UBE2H: variants seen among roughly 807,000 people sequenced by gnomAD.
UBE2H encodes the protein ubiquitin conjugating enzyme E2 H.
UBE2H carries 3 observed loss-of-function variants against 29.0 expected under a neutral mutation model. The observed-to-expected ratio is 0.10, with a 90% CI of 0.05 to 0.27. The LOEUF is 0.27. Ranked by LOEUF, UBE2H falls within the 10% of genes least tolerant of loss-of-function variation. The pLI is 1.00. For synonymous variants in UBE2H, 69 were observed against 82.9 expected, an observed-to-expected ratio of 0.83 and a Z score of 0.91; for missense variants, 68 against 228.2, an observed-to-expected ratio of 0.30 and a Z score of 4.52.
intron 1 of UBE2H, among the ~76,000 whole-genome samples, chr7:129,900,852 A>G (rs1584774964): frequency 6.7e-6 from 1 of 149,426 alleles, no homozygotes; most frequent in Non-Finnish European, 1.5e-5. Flanking sequence ...CCAGGTTCAC[A>G]CCATTCTCCT....
At chr7:129,877,994 G>A (rs1262600612) in intron 3 of UBE2H, among the ~76,000 whole-genome samples, 3 of 152,152 alleles carry the variant, frequency 2.0e-5, no homozygotes, top group African/African-American at 7.2e-5. Context: ...TTTATGAAAT[G>A]TATCTGAATG....
chr7:129,895,940 T>C (rs944518019), intron 1 of UBE2H, among the ~76,000 whole-genome samples: 5 of 152,188 alleles, frequency 3.3e-5, no homozygotes, highest in African/African-American at 1.2e-4. Context: ...GCTATACCAC[T>C]CAAAGTGCTC....
intron 6 of UBE2H, 47 bp downstream of exon 6, chr7:129,839,160 C>T (rs367877008): frequency 5.0e-6 from 8 of 1,591,016 alleles, no homozygotes; most frequent in Non-Finnish European, 6.8e-6. Flanking sequence ...TGAAGCCCAA[C>T]AGATTTAAGT....
intron 1 of UBE2H, among the ~76,000 whole-genome samples, chr7:129,904,046 C>G (rs1806768519): frequency 6.6e-6 from 1 of 152,196 alleles, no homozygotes; most frequent in Admixed American, 6.6e-5. Context: ...ATGTGAATCA[C>G]TCACTGTATC....
intron 1 of UBE2H, among the ~76,000 whole-genome samples, chr7:129,928,976 C>T (rs1807329934): frequency 6.6e-6 from 1 of 152,196 alleles, no homozygotes; most frequent in African/African-American, 2.4e-5. Context: ...AATATTCCAA[C>T]AATGAGTGCA....
In UBE2H at chr7:129,847,310, G is replaced by A. The variant is rs574194212; in HGVS notation, c.299-7975C>T. On this transcript the variant is annotated intron_variant, in intron 5 of 6. Transcript: ENST00000355621. ...CCACCTCAGACTCCCAAAGTGCTGG[G>A]ATTACAGGCATGAGCCACCGCGCCT... 1.7e-4 allele frequency among the ~76,000 whole-genome samples: 26 copies of A among 152,290 alleles called. No individual in the cohort carries two copies. In the South Asian group the frequency reaches 5.4e-3, roughly 32 times the overall value.
intron 1 of UBE2H, among the ~76,000 whole-genome samples, chr7:129,912,452 G>A (rs1806955835): frequency 6.6e-6 from 1 of 152,032 alleles, no homozygotes; most frequent in Non-Finnish European, 1.5e-5. Context: ...CCTGGGCTTG[G>A]CGATCCTCCC....
At chr7:129,867,728 A>AAAAAAAAAAAAAAAAAAAAAC (rs1805941096) in intron 3 of UBE2H, among the ~76,000 whole-genome samples, 1 of 129,138 alleles carries the variant, frequency 7.7e-6, no homozygotes. Context: ...GAAAACCAAA[A>AAAAAAAAAAAAAAAAAAAAAC]AAAAAAAAAA....
chr7:129,914,923 A>T (rs1038623911), intron 1 of UBE2H, among the ~76,000 whole-genome samples: 1 of 152,208 alleles, frequency 6.6e-6, no homozygotes, highest in Non-Finnish European at 1.5e-5. Context: ...TGAGGAAGAT[A>T]TTTAAAGTGC....
chr7:129,831,128 C>T lies in UBE2H; in HGVS notation c.*3809G>A, dbSNP rs572356737. 6.6e-6 allele frequency: 1 copy of T among 152,222 alleles called. No individual in the cohort carries two copies. Among genetic ancestry groups the T allele is most frequent in the South Asian group, 2.1e-4 (1 of 4,822 alleles). The allele number at this position is 152,222 out of a possible 1,614,324, so 9.4% of individuals were successfully genotyped here. ...CCCCTTCTCAAAGGGCTTCCTCCCA[C>T]TCATCCCATCCCTAACAGAATCGCC... On this transcript the variant is annotated 3_prime_UTR_variant, in exon 7 of 7. Coordinates refer to ENST00000355621, the MANE Select transcript of UBE2H (RefSeq NM_003344.4).
intron 1 of UBE2H, among the ~76,000 whole-genome samples, chr7:129,930,012 C>CAA (rs1353989800): frequency 6.6e-6 from 1 of 151,904 alleles, no homozygotes; most frequent in Admixed American, 6.6e-5. Flanking sequence ...TCTCAAAAAA[C>CAA]AAAACAAAAC....
intron 1 of UBE2H, among the ~76,000 whole-genome samples, chr7:129,907,991 T>C (rs1010352166): frequency 6.6e-6 from 1 of 152,124 alleles, no homozygotes; most frequent in Non-Finnish European, 1.5e-5. Flanking sequence ...GATAGAGTAT[T>C]TATACCTCAG....
rs531722624 is a variant in UBE2H, at chr7:129,902,783, C to A, written c.54-21812G>T. Among the ~76,000 whole-genome samples, 6 of 152,320 alleles carry A rather than the reference C, an allele frequency of 3.9e-5. No individual in the cohort carries two copies. The South Asian group carries it at 6.2e-4, about 16-fold the overall frequency. On this transcript the variant is annotated intron_variant, in intron 1 of 6. Transcript: ENST00000355621. ...ATGATCTCTAAGCCTTGCCTCCCCC[C>A]ACCATTTACAAAAGTGGGGATAAGC...
intron 1 of UBE2H, among the ~76,000 whole-genome samples, chr7:129,949,908 C>A (rs1259899240): frequency 2.0e-5 from 3 of 152,140 alleles, no homozygotes; most frequent in Admixed American, 2.0e-4. Context: ...CATCAAGGGG[C>A]ATGGGGGGCA....
intron 1 of UBE2H, among the ~76,000 whole-genome samples, chr7:129,948,412 G>A (rs915137446): frequency 6.6e-6 from 1 of 152,216 alleles, no homozygotes; most frequent in Non-Finnish European, 1.5e-5. Flanking sequence ...CCGTTTTAAT[G>A]TAAGACACCG....
chr7:129,923,047 C>T (rs1323140516), intron 1 of UBE2H, among the ~76,000 whole-genome samples: 3 of 151,984 alleles, frequency 2.0e-5, no homozygotes, highest in Non-Finnish European at 4.4e-5. Flanking sequence ...ATTACAGGCA[C>T]CCGCCACCAA....
chr7:129,926,536 C>G (rs1436131297), intron 1 of UBE2H, among the ~76,000 whole-genome samples: 1 of 151,960 alleles, frequency 6.6e-6, no homozygotes, highest in African/African-American at 2.4e-5. Flanking sequence ...AAAGAAACTC[C>G]TGGCCTCGAG....
At chr7:129,873,425 CTT>C (rs373132869) in intron 3 of UBE2H, among the ~76,000 whole-genome samples, 130 of 122,936 alleles carry the variant, frequency 1.1e-3, no homozygotes, top group Middle Eastern at 4.8e-3. Context: ...ACATCAAATT[CTT>C]TTTTTTTTTT....
At chr7:129,945,812 C>T (rs568843289) in intron 1 of UBE2H, among the ~76,000 whole-genome samples, 2 of 152,168 alleles carry the variant, frequency 1.3e-5, no homozygotes, top group Non-Finnish European at 2.9e-5. Flanking sequence ...GCAATCTCAG[C>T]TCACCGCAAC....
Sources: gnomAD v4.1 joint callset for allele counts (sites outside exome capture counted in the v4.1 genomes callset) on GRCh38, gnomAD v4.1.1 for gene constraint, MANE v1.5 for transcripts, NCBI Gene and HGNC (gene_info 2026-07-23, HGNC 2026-07-21) for gene names.